DGKH: variants seen among roughly 807,000 people sequenced by gnomAD.
The protein encoded by DGKH is diacylglycerol kinase eta, also known as DAG kinase eta.
In DGKH, 90 loss-of-function variants were observed where a neutral mutation model predicts 159.3. The observed-to-expected ratio is 0.57, with a 90% CI of 0.48 to 0.67. The LOEUF (loss-of-function observed/expected upper bound fraction) is 0.67. Ranked by LOEUF, DGKH falls within the 30% of genes least tolerant of loss-of-function variation. DGKH has a pLI of 0.00. For missense variants in DGKH, 1,181 were observed against 1,506.1 expected (o/e 0.78, Z 3.57); for synonymous variants, 536 against 553.8 (o/e 0.97, Z 0.45).
intron 17 of DGKH, among the ~76,000 whole-genome samples, chr13:42,196,629 C>T (rs879369679): frequency 2.6e-5 from 4 of 151,994 alleles, no homozygotes; most frequent in South Asian, 2.1e-4. Context: ...GTGAGGTGAT[C>T]GACGGAATGG....
At chr13:42,068,011 T>C (rs1399445446) in intron 1 of DGKH, among the ~76,000 whole-genome samples, 1 of 152,142 alleles carries the variant, frequency 6.6e-6, no homozygotes, top group African/African-American at 2.4e-5. Context: ...TTAAGACTTC[T>C]AGAGCATTTT....
At chr13:42,228,405 T>C (rs1958190137) in intron 29 of DGKH, among the ~76,000 whole-genome samples, 1 of 152,220 alleles carries the variant, frequency 6.6e-6, no homozygotes, top group Non-Finnish European at 1.5e-5. Flanking sequence ...AATATTCCTC[T>C]CAAATTGAAG....
intron 1 of DGKH, among the ~76,000 whole-genome samples, chr13:42,061,988 G>GGTGTGTGGGTGT (rs1882212841): frequency 6.7e-6 from 1 of 149,678 alleles, no homozygotes; most frequent in Non-Finnish European, 1.5e-5. Context: ...TGTGTGTGTG[G>GGTGTGTGGGTGT]GTGTGTGTGT....
chr13:42,166,779 C>A, intron 9 of DGKH, 105 bp downstream of exon 9: 1 of 1,001,862 alleles, frequency 1.0e-6, no homozygotes, highest in Non-Finnish European at 1.3e-6. Flanking sequence ...TAGATCCCTC[C>A]CTCGTTTTTA....
intron 1 of DGKH, among the ~76,000 whole-genome samples, chr13:42,049,787 G>C (rs1024418178): frequency 1.3e-5 from 2 of 152,202 alleles, no homozygotes; most frequent in African/African-American, 4.8e-5. Context: ...CGACCTGTGA[G>C]GTCTCAAAGT....
chr13:42,186,771 C>T (rs180697354), intron 13 of DGKH, among the ~76,000 whole-genome samples: 167 of 152,196 alleles, frequency 1.1e-3, no homozygotes, highest in African/African-American at 3.8e-3. Context: ...TAAATGGGAT[C>T]TAAAAATAAT....
intron 3 of DGKH, 103 bp from the exon 4 acceptor site, chr13:42,155,188 A>G: frequency 1.1e-6 from 1 of 879,262 alleles, no homozygotes; most frequent in Admixed American, 2.7e-5. Context: ...CGTAAGAAAT[A>G]AAGACTCAAG....
chr13:42,228,387 T>C (rs1458830030), intron 29 of DGKH, among the ~76,000 whole-genome samples: 1 of 152,152 alleles, frequency 6.6e-6, no homozygotes, highest in Non-Finnish European at 1.5e-5. Context: ...TAAAGACTAA[T>C]TAAATTAAAT....
chr13:42,222,232 C>T (rs916307541), intron 29 of DGKH, among the ~76,000 whole-genome samples: 1 of 152,156 alleles, frequency 6.6e-6, no homozygotes, highest in African/African-American at 2.4e-5. Flanking sequence ...TAAGTAGTAA[C>T]GTTTGTTGGA....
chr13:42,051,219 T>C (rs984436395), intron 1 of DGKH, among the ~76,000 whole-genome samples: 1 of 152,256 alleles, frequency 6.6e-6, no homozygotes, highest in African/African-American at 2.4e-5. Context: ...ATTGCTTGAA[T>C]TTCAAAAGTG....
chr13:42,195,792 C>T (rs527932383), intron 17 of DGKH: 2 of 152,104 alleles, frequency 1.3e-5, no homozygotes, highest in Non-Finnish European at 2.9e-5. Context: ...GACAAGCACA[C>T]GCCACAAAAG....
In DGKH at chr13:42,166,516, T is replaced by A. The variant is rs1403424585; in HGVS notation, c.960T>A (p.Gly320=). ...TCTTGTGTTGTGTTTTTTTCACAGGTTTCTGTAGAGCAACATTTTCGTTCT... is the reference window on the plus strand; with the variant it reads ...TCTTGTGTTGTGTTTTTTTCACAGGATTCTGTAGAGCAACATTTTCGTTCT... ...PIALNSTDSD[G]FCRATFSFCV... is the part of the protein sequence containing the mutation. Residue 320 remains glycine, a splice_region_variant and synonymous_variant, in exon 9 of 30, where the codon GGT becomes GGA. Coordinates refer to ENST00000337343, the MANE Select transcript of DGKH (RefSeq NM_178009.5). The A allele has an allele frequency of 5.2e-6, 8 of 1,529,804 alleles. No homozygotes were observed. Among genetic ancestry groups the A allele is most frequent in the Non-Finnish European group, 7.0e-6 (8 of 1,136,642 alleles). The allele number at this position is 1,529,804 out of a possible 1,614,324, so 94.8% of individuals were successfully genotyped here.
At chr13:42,203,144 T>C (rs1350011302) in intron 20 of DGKH, among the ~76,000 whole-genome samples, 1 of 152,198 alleles carries the variant, frequency 6.6e-6, no homozygotes, top group Admixed American at 6.5e-5. Context: ...CTGTATTTGT[T>C]TAATTCATTT....
chr13:42,193,404 G>T (rs552496758), intron 16 of DGKH, among the ~76,000 whole-genome samples: 41 of 152,216 alleles, frequency 2.7e-4, no homozygotes, highest in Middle Eastern at 3.4e-3. Flanking sequence ...TACAGTATTT[G>T]GTCTTTATTT....
intron 13 of DGKH, among the ~76,000 whole-genome samples, chr13:42,181,235 CCA>C (rs1956751339): frequency 2.1e-5 from 3 of 143,088 alleles, no homozygotes; most frequent in African/African-American, 7.5e-5. Context: ...GGAGATTGCG[CCA>C]CTGCACTCCC....
rs1164571787 is a variant in DGKH, at chr13:42,197,256, A to C, written c.2168-1222A>C. ...CAGAGTGAGACTCTATCTCAACAAAAAAAAAAAAAAAAAAGAAAGAAAATA... is the reference window on the plus strand; with the variant it reads ...CAGAGTGAGACTCTATCTCAACAAACAAAAAAAAAAAAAAGAAAGAAAATA... On this transcript the variant is annotated intron_variant, in intron 17 of 29. Coordinates refer to ENST00000337343, the MANE Select transcript of DGKH (RefSeq NM_178009.5). Among the ~76,000 whole-genome samples the C allele has an allele frequency of 2.8e-5, 4 of 141,688 alleles. 1 individual carries two copies. The East Asian group carries it at 8.2e-4, about 29-fold the overall frequency. The allele number at this position is 141,688 out of a possible 152,430, so 93.0% of individuals were successfully genotyped here.
intron 13 of DGKH, among the ~76,000 whole-genome samples, chr13:42,179,967 G>A (rs1455081901): frequency 6.6e-6 from 1 of 152,196 alleles, no homozygotes; most frequent in African/African-American, 2.4e-5. Context: ...ATATATGAAA[G>A]GTAGTGATCA....
chr13:42,221,302 G>A lies in DGKH; in HGVS notation c.3481G>A (p.Asp1161Asn). The change falls in exon 29 of 30, where the codon GAT becomes AAT. Residue 1161 changes from aspartate (D) to asparagine (N), a missense_variant. Physicochemically the swap from Asp to Asn is conservative, Grantham distance 23 (BLOSUM62 1). Coordinates refer to ENST00000337343, the MANE Select transcript of DGKH (RefSeq NM_178009.5). ...WGTEEVAAWL[D>N]LLNLGEYKDI... ...CACAGAGGAAGTTGCTGCTTGGCTGGATCTGCTCAATTTGGGAGAGTACAA... is the reference window on the plus strand; with the variant it reads ...CACAGAGGAAGTTGCTGCTTGGCTGAATCTGCTCAATTTGGGAGAGTACAA... 1 of 1,613,712 alleles carries A rather than the reference G, an allele frequency of 6.2e-7. No homozygotes were observed. The highest frequency in any genetic ancestry group is 1.3e-5 in the African/African-American group (1 of 75,006).
chr13:42,215,098 A>C (rs1358100692), intron 25 of DGKH, among the ~76,000 whole-genome samples: 2 of 152,114 alleles, frequency 1.3e-5, no homozygotes, highest in Non-Finnish European at 2.9e-5. Context: ...GAATGGATAG[A>C]ATATAACTCT....
Sources: gnomAD v4.1 joint callset for allele counts (sites outside exome capture counted in the v4.1 genomes callset) on GRCh38, gnomAD v4.1.1 for gene constraint, MANE v1.5 for transcripts, NCBI Gene and HGNC (gene_info 2026-07-23, HGNC 2026-07-21) for gene names.